GPD1L: variants seen among roughly 807,000 people sequenced by gnomAD.
The protein encoded by GPD1L is glycerol-3-phosphate dehydrogenase 1 like, also known as glycerol-3-phosphate dehydrogenase 1-like protein.
In GPD1L, 17 loss-of-function variants were observed where a neutral mutation model predicts 32.9. The ratio of observed to expected loss-of-function variants is 0.52; its 90% CI spans 0.35 to 0.78. GPD1L has a LOEUF of 0.78. Ranked by LOEUF, GPD1L falls within the 30% of genes least tolerant of loss-of-function variation. The pLI, the probability that GPD1L is intolerant of heterozygous loss-of-function variation, is 0.01. For missense variants in GPD1L, 361 were observed against 447.8 expected (o/e 0.81, Z 1.75); for synonymous variants, 187 against 165.9 (o/e 1.13, Z -0.98).
chr3:32,165,082 TA>T (rs374406799), intron 7 of GPD1L, among the ~76,000 whole-genome samples: 9 of 152,316 alleles, frequency 5.9e-5, no homozygotes, highest in African/African-American at 2.2e-4. Context: ...CACACACCTG[TA>T]ATCCCAACTA....
At position 32,152,085 on chromosome 3, in the gene GPD1L, A is replaced by G. The variant is rs139014665; in HGVS notation, c.618+5351A>G. Among the ~76,000 whole-genome samples the G allele has an allele frequency of 3.3e-3, 501 of 152,308 alleles. 2 individuals are homozygous for G. The highest frequency in any genetic ancestry group is 0.011 in the African/African-American group (473 of 41,572). ...TTTTCTTTTTTGGAATATTTGCATT[A>G]TACTTACCAGTTCATCATCCCTATT... On this transcript the variant is annotated intron_variant, in intron 5 of 7. Transcript: ENST00000282541.
At chr3:32,140,193 G>T (rs1239324084) in intron 3 of GPD1L, 35 bp from the exon 4 acceptor site, 1 of 1,613,032 alleles carries the variant, frequency 6.2e-7, no homozygotes, top group Non-Finnish European at 8.5e-7. Flanking sequence ...TGATTTGGCG[G>T]TTTGTTCTCT....
intron 4 of GPD1L, among the ~76,000 whole-genome samples, chr3:32,140,996 C>T (rs1280054047): frequency 6.6e-6 from 1 of 152,188 alleles, no homozygotes; most frequent in Non-Finnish European, 1.5e-5. Flanking sequence ...TTTGAGAATT[C>T]TCAAGTGTCC....
intron 1 of GPD1L, among the ~76,000 whole-genome samples, chr3:32,126,968 T>G (rs1700516693): frequency 6.6e-6 from 1 of 152,182 alleles, no homozygotes; most frequent in Non-Finnish European, 1.5e-5. Context: ...AAAGGGACAA[T>G]ATTTATAATC....
chr3:32,145,930 A>G (rs989631521), intron 4 of GPD1L, among the ~76,000 whole-genome samples: 2 of 152,020 alleles, frequency 1.3e-5, no homozygotes, highest in African/African-American at 2.4e-5. Context: ...CACGAACCTC[A>G]CATGCCCGTC....
chr3:32,140,109 T>C lies in GPD1L; in HGVS notation c.367-119T>C. 3 of 968,530 alleles carry C rather than the reference T, an allele frequency of 3.1e-6. No individual in the cohort carries two copies. In the South Asian group the frequency reaches 3.9e-5, roughly 13 times the overall value. The allele number at this position is 968,530 out of a possible 1,614,324, so 60.0% of individuals were successfully genotyped here. The stretch of plus-strand genomic sequence containing the variant: ...TTAAGCTGTACATAGGCAGTATAGA[T>C]GCTTTTACTCTTGTAAGTAGGAGAC... On this transcript the variant is annotated intron_variant, in intron 3 of 7. Coordinates refer to ENST00000282541, the MANE Select transcript of GPD1L (RefSeq NM_015141.4).
intron 2 of GPD1L, among the ~76,000 whole-genome samples, chr3:32,129,503 G>T (rs997314113): frequency 2.0e-5 from 3 of 152,174 alleles, no homozygotes; most frequent in African/African-American, 7.2e-5. Flanking sequence ...CTATTAGGGT[G>T]ATTATTTTGA....
Position 32,152,158 on chromosome 3 carries a change from G to C in GPD1L, c.618+5424G>C, listed in dbSNP as rs553431455. Among the ~76,000 whole-genome samples, 7 of 152,260 alleles carry C rather than the reference G, an allele frequency of 4.6e-5. No homozygotes were observed. In the South Asian group the frequency reaches 1.5e-3, roughly 32 times the overall value. ...GACTATTTCCTTTGAGCATGATGTT[G>C]GTGCTCCAGAAGTCTCAGATTTTGG... On this transcript the variant is annotated intron_variant, in intron 5 of 7. Transcript: ENST00000282541.
intron 1 of GPD1L, among the ~76,000 whole-genome samples, chr3:32,110,154 G>A (rs145765555): frequency 0.023 from 3,474 of 152,290 alleles, 124 homozygotes; most frequent in African/African-American, 0.079. Context: ...TCCTGACGTC[G>A]TGATCTGCCT....
At chr3:32,151,416 T>TGG in intron 5 of GPD1L, 1 of 646,744 alleles carries the variant, frequency 1.5e-6, no homozygotes, top group Non-Finnish European at 2.8e-6. Flanking sequence ...TTTTGAACAG[T>TGG]GACCATTCCC....
intron 5 of GPD1L, among the ~76,000 whole-genome samples, chr3:32,154,562 G>T (rs1161996292): frequency 1.3e-5 from 2 of 152,208 alleles, no homozygotes; most frequent in East Asian, 3.9e-4. Context: ...AGAGCAGCAC[G>T]GTGTGGCGTG....
Position 32,138,580 on chromosome 3 carries a change from G to T in GPD1L, c.226-7G>T, listed in dbSNP as rs775170888. On this transcript the variant is annotated splice_region_variant and splice_polypyrimidine_tract_variant and intron_variant, in intron 2 of 7. Coordinates refer to ENST00000282541, the MANE Select transcript of GPD1L (RefSeq NM_015141.4). ...GAGAAACGGTCTTCTCTGCCTTTTG[G>T]TTGCAGGTTGCCATGTCAAATCTTA... The T allele has an allele frequency of 6.2e-7, 1 of 1,613,974 alleles. No homozygotes were observed. Among genetic ancestry groups the T allele is most frequent in the Non-Finnish European group, 8.5e-7 (1 of 1,179,874 alleles).
intron 2 of GPD1L, among the ~76,000 whole-genome samples, chr3:32,129,428 A>G (rs1700556555): frequency 1.3e-5 from 2 of 152,214 alleles, no homozygotes; most frequent in Admixed American, 1.3e-4. Context: ...GCACTGTGCT[A>G]AGCAATACAT....
intron 4 of GPD1L, among the ~76,000 whole-genome samples, chr3:32,142,599 A>G (rs1387931450): frequency 6.6e-6 from 1 of 152,148 alleles, no homozygotes; most frequent in Non-Finnish European, 1.5e-5. Context: ...AATTACTTAT[A>G]TTTTCCCAAA....
chr3:32,163,500 G>T (rs1701102511), intron 7 of GPD1L, among the ~76,000 whole-genome samples: 1 of 152,128 alleles, frequency 6.6e-6, no homozygotes, highest in African/African-American at 2.4e-5. Context: ...ATGAAATGTT[G>T]TCTTTTTCTT....
At chr3:32,159,402 G>A (rs1002066952) in intron 6 of GPD1L, among the ~76,000 whole-genome samples, 166 bp from the exon 7 acceptor site, 2 of 151,538 alleles carry the variant, frequency 1.3e-5, no homozygotes, top group Non-Finnish European at 2.9e-5. Context: ...AGGCCAAGGT[G>A]GGAGGATTGC....
At chr3:32,161,873 C>G (rs919931575) in intron 7 of GPD1L, among the ~76,000 whole-genome samples, 2 of 152,088 alleles carry the variant, frequency 1.3e-5, no homozygotes, top group African/African-American at 2.4e-5. Context: ...AGTGTAGAAT[C>G]CCCTGGGACT....
At chr3:32,151,489 A>T (rs1054558875) in intron 5 of GPD1L, 15 of 358,150 alleles carry the variant, frequency 4.2e-5, no homozygotes, top group Non-Finnish European at 6.1e-5. Context: ...TTTATTTTTT[A>T]TTTTTTTTGA....
rs1218469069 is a variant in GPD1L, at chr3:32,138,605, A to T, written c.244A>T (p.Ser82Cys). 2 of 1,614,084 alleles carry T rather than the reference A, an allele frequency of 1.2e-6. No individual in the cohort carries two copies. The highest frequency in any genetic ancestry group is 4.5e-5 in the East Asian group (2 of 44,890). The change falls in exon 3 of 8, where the codon AGC (serine) becomes TGC (cysteine). Residue 82 changes from serine to cysteine, a missense_variant. Transcript: ENST00000282541. ...GTTGCAGGTTGCCATGTCAAATCTT[A>T]GCGAGGCTGTGCAGGATGCAGACCT... ...PENVVAMSNL[S>C]EAVQDADLLV...
Sources: gnomAD v4.1 joint callset for allele counts (sites outside exome capture counted in the v4.1 genomes callset) on GRCh38, gnomAD v4.1.1 for gene constraint, MANE v1.5 for transcripts, NCBI Gene and HGNC (gene_info 2026-07-23, HGNC 2026-07-21) for gene names.